Variants in SPATA18 observed in about 807,000 individuals in gnomAD.
The protein encoded by SPATA18 is mitochondria-eating protein.
Under a neutral mutation model 68.1 loss-of-function variants are expected in SPATA18, and 54 were observed. The ratio of observed to expected loss-of-function variants is 0.79; its 90% CI spans 0.64 to 0.99. The LOEUF (loss-of-function observed/expected upper bound fraction) is 0.99. Ranked by LOEUF, SPATA18 falls within the 50% of genes least tolerant of loss-of-function variation. The pLI is 0.00. For missense variants in SPATA18, 724 were observed against 681.1 expected, an observed-to-expected ratio of 1.06 and a Z score of -0.70; for synonymous variants, 242 against 244.8, an observed-to-expected ratio of 0.99 and a Z score of 0.11.
intron 5 of SPATA18, among the ~76,000 whole-genome samples, chr4:52,070,143 G>C (rs1230532453): frequency 6.6e-6 from 1 of 151,546 alleles, no homozygotes; most frequent in African/African-American, 2.4e-5. Flanking sequence ...TTTCATAATT[G>C]CAGAGCCAGT....
At chr4:52,058,908 A>G (rs1738590985) in intron 1 of SPATA18, among the ~76,000 whole-genome samples, 1 of 152,224 alleles carries the variant, frequency 6.6e-6, no homozygotes, top group African/African-American at 2.4e-5. Flanking sequence ...AATGATAATA[A>G]TAATTCTTCT....
intron 2 of SPATA18, 28 bp downstream of exon 2, chr4:52,060,552 A>G: frequency 6.3e-7 from 1 of 1,593,428 alleles, no homozygotes; most frequent in Non-Finnish European, 8.6e-7. Flanking sequence ...TTTCCCATCC[A>G]GTTCTGCTTG....
intron 4 of SPATA18, among the ~76,000 whole-genome samples, chr4:52,062,883 T>A (rs1578155629): frequency 6.6e-6 from 1 of 152,204 alleles, no homozygotes; most frequent in East Asian, 1.9e-4. Flanking sequence ...TTGCAATATC[T>A]ATTAGGTATA....
intron 11 of SPATA18, among the ~76,000 whole-genome samples, chr4:52,086,200 C>A (rs1386087964): frequency 6.6e-6 from 1 of 152,170 alleles, no homozygotes; most frequent in African/African-American, 2.4e-5. Context: ...TGCAAAACTT[C>A]CTCAGCAAAA....
intron 6 of SPATA18, among the ~76,000 whole-genome samples, chr4:52,072,752 G>C (rs182818800): frequency 6.6e-6 from 1 of 152,264 alleles, no homozygotes; most frequent in African/African-American, 2.4e-5. Flanking sequence ...CAGGCCTATG[G>C]TGCAAGAGGT....
Position 52,072,223 on chromosome 4 carries a change from G to A in SPATA18, c.758+67G>A, listed in dbSNP as rs1452783062. ...TGCTGAGTTAAGGGATCGGGGAGGA[G>A]GAAATAAGTAAAATGATAAAATGAT... On this transcript the variant is annotated intron_variant, in intron 6 of 12. Transcript: ENST00000295213. 3.2e-6 allele frequency: 5 copies of A among 1,564,996 alleles called. No homozygotes were observed. In the African/African-American group the frequency reaches 4.1e-5, roughly 13 times the overall value.
chr4:52,072,719 T>C (rs1016951418), intron 6 of SPATA18, among the ~76,000 whole-genome samples: 7 of 152,198 alleles, frequency 4.6e-5, no homozygotes, highest in Non-Finnish European at 8.8e-5. Context: ...AGGAAAGTTC[T>C]TTGGCTTGAA....
Position 52,094,880 on chromosome 4 carries a change from G to A in SPATA18, c.1610G>A (p.Arg537Lys). 5.0e-6 allele frequency: 8 copies of A among 1,613,916 alleles called. No homozygotes were observed. The highest frequency in any genetic ancestry group is 6.8e-6 in the Non-Finnish European group (8 of 1,179,908). The change falls in exon 13 of 13, where the codon AGA becomes AAA. Residue 537 changes from arginine to lysine, a missense_variant and splice_region_variant. Transcript: ENST00000295213. ...SPSPIRCGLP[R>K]F ...ATGAACTGTCTATTTTTCTCCCTAG[G>A]ATTTTAAAAGCACCAGACCTGCTCC...
chr4:52,091,984 A>C (rs1201848618), intron 11 of SPATA18, among the ~76,000 whole-genome samples: 1 of 152,156 alleles, frequency 6.6e-6, no homozygotes. Context: ...TGAACTTCCT[A>C]GCAGCTTTGT....
At chr4:52,084,277 C>A (rs1432015590) in intron 10 of SPATA18, among the ~76,000 whole-genome samples, 1 of 152,016 alleles carries the variant, frequency 6.6e-6, no homozygotes, top group Non-Finnish European at 1.5e-5. Flanking sequence ...TTCTTCTCTC[C>A]CATCAAGCAT....
rs548460691 is a variant in SPATA18, at chr4:52,065,036, AT to A, written c.422+2711del. 4.6e-5 allele frequency among the ~76,000 whole-genome samples: 7 copies of A among 151,916 alleles called. No individual in the cohort carries two copies. The East Asian group carries it at 1.4e-3, about 29-fold the overall frequency. On this transcript the variant is annotated intron_variant, in intron 4 of 12. Transcript: ENST00000295213. ...TCCCTGATAATTAGTGATGCTGAGC[AT>A]TTTTTTCATATGTGTATTGGCTGTT...
At chr4:52,082,805 C>G (rs542542378) in intron 10 of SPATA18, 2 of 1,213,050 alleles carry the variant, frequency 1.6e-6, no homozygotes, top group Non-Finnish European at 2.1e-6. Context: ...AAACAAAGCC[C>G]TTTGAAGTTA....
Position 52,072,165 on chromosome 4 carries a change from A to G in SPATA18, c.758+9A>G, listed in dbSNP as rs1739916678. ...AGTGCACTCCAAGGAAGGTCAGACA[A>G]ACTCTCAAAGATCTTCTCATTTAGG... is the stretch of plus-strand genomic sequence containing the variant. On this transcript the variant is annotated intron_variant, in intron 6 of 12. Transcript: ENST00000295213. The G allele has an allele frequency of 6.2e-7, 1 of 1,613,468 alleles. No homozygotes were observed. The highest frequency in any genetic ancestry group is 1.7e-4 in the Middle Eastern group (1 of 6,058).
intron 1 of SPATA18, among the ~76,000 whole-genome samples, chr4:52,057,523 G>C (rs1200780911): frequency 6.6e-6 from 1 of 152,044 alleles, no homozygotes; most frequent in East Asian, 1.9e-4. Flanking sequence ...CATTCCTCTG[G>C]GTACCCAGTA....
chr4:52,070,546 A>AG (rs1168960812), intron 5 of SPATA18, among the ~76,000 whole-genome samples: 2 of 81,086 alleles, frequency 2.5e-5, no homozygotes, highest in African/African-American at 5.0e-5. Flanking sequence ...GGGTAGGGGG[A>AG]GGGGGGAGGG....
intron 3 of SPATA18, among the ~76,000 whole-genome samples, chr4:52,061,310 G>A (rs1738828799): frequency 6.6e-6 from 1 of 151,974 alleles, no homozygotes; most frequent in Non-Finnish European, 1.5e-5. Flanking sequence ...CAACACAGCA[G>A]GGCCTGTTGG....
chr4:52,066,710 T>C (rs566044685), intron 4 of SPATA18, among the ~76,000 whole-genome samples: 5 of 152,184 alleles, frequency 3.3e-5, no homozygotes, highest in Non-Finnish European at 7.3e-5. Flanking sequence ...TGTGTCCCTG[T>C]GTTCCCGTTG....
Position 52,078,892 on chromosome 4 carries a change from A to C in SPATA18, c.1178A>C (p.Asn393Thr). 6.4e-7 allele frequency: 1 copy of C among 1,574,050 alleles called. No homozygotes were observed. Among genetic ancestry groups the C allele is most frequent in the Non-Finnish European group, 8.7e-7 (1 of 1,149,286 alleles). ...CTATATGATTCTCAAAGCAGTGTCA[A>C]TGTAAGTGTTGAGTCTTTTATTAGG... ...LDLYDSQSSV[N>T]DVIRAMNVNP... The change falls in exon 8 of 13, where the codon AAT becomes ACT. Residue 393 changes from asparagine to threonine, a missense_variant and splice_region_variant. Transcript: ENST00000295213.
intron 1 of SPATA18, among the ~76,000 whole-genome samples, chr4:52,052,436 T>C (rs1343613922): frequency 1.3e-5 from 2 of 152,156 alleles, no homozygotes; most frequent in South Asian, 2.1e-4. Context: ...TGAGCACTTT[T>C]CAAATCTCAT....
Sources: allele counts gnomAD v4.1 joint callset (sites outside exome capture counted in the v4.1 genomes callset), GRCh38; gene constraint gnomAD v4.1.1; transcripts MANE v1.5; gene names NCBI Gene and HGNC (gene_info 2026-07-23, HGNC 2026-07-21).